PEAK1: variants seen among roughly 807,000 people sequenced by gnomAD.
PEAK1 encodes inactive tyrosine-protein kinase PEAK1.
PEAK1 carries 54 observed loss-of-function variants against 124.7 expected under a neutral mutation model. The observed-to-expected ratio is 0.43, with a 90% CI of 0.35 to 0.54. PEAK1 has a LOEUF of 0.54. Ranked by LOEUF, PEAK1 falls within the 20% of genes least tolerant of loss-of-function variation. The pLI is 0.01. For synonymous variants in PEAK1, 719 were observed against 760.0 expected (o/e 0.95, Z 0.89); for missense variants, 2,046 against 2,134.5 (o/e 0.96, Z 0.82).
intron 8 of PEAK1, among the ~76,000 whole-genome samples, chr15:77,151,393 G>A (rs900068205): frequency 5.6e-4 from 86 of 152,294 alleles, no homozygotes; most frequent in African/African-American, 1.8e-3. Flanking sequence ...TGAGTTCATT[G>A]TAGATTCTGG....
At chr15:77,117,931 T>G (rs2051542783) in intron 9 of PEAK1, among the ~76,000 whole-genome samples, 1 of 152,238 alleles carries the variant, frequency 6.6e-6, no homozygotes, top group Admixed American at 6.5e-5. Context: ...CAGAGCTTTG[T>G]GAGTAGACAA....
At chr15:77,330,752 C>G (rs573720178) in intron 2 of PEAK1, among the ~76,000 whole-genome samples, 1 of 152,314 alleles carries the variant, frequency 6.6e-6, no homozygotes, top group East Asian at 1.9e-4. Context: ...CATTCTCTCC[C>G]TTTCCCTCCC....
At chr15:77,366,655 G>C (rs772453975) in intron 1 of PEAK1, among the ~76,000 whole-genome samples, 1 of 151,988 alleles carries the variant, frequency 6.6e-6, no homozygotes, top group Non-Finnish European at 1.5e-5. Flanking sequence ...TCCCAGGCTC[G>C]AGTGATCCTT....
chr15:77,268,433 C>T (rs2061854163), intron 5 of PEAK1, among the ~76,000 whole-genome samples: 1 of 150,976 alleles, frequency 6.6e-6, no homozygotes, highest in Non-Finnish European at 1.5e-5. Context: ...GAGATCACAC[C>T]ACTGCATTTC....
chr15:77,321,822 T>C (rs1172619878), intron 2 of PEAK1, among the ~76,000 whole-genome samples: 1 of 152,202 alleles, frequency 6.6e-6, no homozygotes, highest in Non-Finnish European at 1.5e-5. Flanking sequence ...CCATCTCAAA[T>C]TAACTTTTGT....
Position 77,360,061 on chromosome 15 carries a change from A to G in PEAK1, c.-603+5102T>C, listed in dbSNP as rs556294011. Among the ~76,000 whole-genome samples, 41 of 152,350 alleles carry G rather than the reference A, an allele frequency of 2.7e-4. No homozygotes were observed. The East Asian group carries it at 6.7e-3, about 25-fold the overall frequency. Reference sequence around the variant, plus strand: ...GCAATCAGGACAATGTGGTACTGACATAAGGATAGACAAATCAATGGAACA... The same window carrying G: ...GCAATCAGGACAATGTGGTACTGACGTAAGGATAGACAAATCAATGGAACA... On this transcript the variant is annotated intron_variant, in intron 2 of 9. Transcript: ENST00000682557.
At chr15:77,163,347 G>C (rs944258547) in intron 7 of PEAK1, among the ~76,000 whole-genome samples, 5 of 152,182 alleles carry the variant, frequency 3.3e-5, no homozygotes, top group African/African-American at 1.2e-4. Flanking sequence ...AAAGGAAATA[G>C]TTACATTGTT....
intron 6 of PEAK1, among the ~76,000 whole-genome samples, chr15:77,242,622 G>T (rs1268003339): frequency 6.6e-6 from 1 of 152,038 alleles, no homozygotes; most frequent in African/African-American, 2.4e-5. Context: ...TCCACAAAAG[G>T]GGTCTATTCT....
At chr15:77,166,828 C>T (rs1417541702) in intron 7 of PEAK1, among the ~76,000 whole-genome samples, 2 of 151,502 alleles carry the variant, frequency 1.3e-5, no homozygotes, top group Non-Finnish European at 2.9e-5. Flanking sequence ...CAAGATGACA[C>T]TAATGTGACA....
At chr15:77,328,106 T>G (rs2153027927) in intron 2 of PEAK1, among the ~76,000 whole-genome samples, 1 of 152,270 alleles carries the variant, frequency 6.6e-6, no homozygotes, top group African/African-American at 2.4e-5. Context: ...CACTTTACAG[T>G]ATACCACATG....
chr15:77,170,247 C>T (rs1247464782), intron 7 of PEAK1, among the ~76,000 whole-genome samples: 2 of 151,714 alleles, frequency 1.3e-5, no homozygotes, highest in Admixed American at 6.6e-5. Context: ...ACTAGTCTAT[C>T]TACTTCTGTA....
intron 9 of PEAK1, among the ~76,000 whole-genome samples, chr15:77,129,959 C>T (rs1389741631): frequency 2.0e-5 from 3 of 152,172 alleles, no homozygotes; most frequent in Non-Finnish European, 2.9e-5. Flanking sequence ...ATCAATTGGG[C>T]ACTTCTGGCA....
At chr15:77,183,909 C>A (rs114160161) in intron 6 of PEAK1, among the ~76,000 whole-genome samples, 3,280 of 152,146 alleles carry the variant, frequency 0.022, 116 homozygotes, top group African/African-American at 0.074. Context: ...CTCACTGCAG[C>A]CTCAACCTCC....
chr15:77,170,092 C>A (rs1390336731), intron 7 of PEAK1, among the ~76,000 whole-genome samples: 6 of 151,986 alleles, frequency 3.9e-5, no homozygotes, highest in Non-Finnish European at 7.4e-5. Flanking sequence ...GTTTAAAGAA[C>A]CCCTTTTTCA....
chr15:77,308,371 G>A (rs930233528), intron 2 of PEAK1, among the ~76,000 whole-genome samples: 2 of 152,008 alleles, frequency 1.3e-5, no homozygotes, highest in African/African-American at 4.8e-5. Flanking sequence ...AAATATATAT[G>A]GCAATATTAT....
At chr15:77,173,317 T>A (rs921424081) in intron 7 of PEAK1, among the ~76,000 whole-genome samples, 9 of 152,164 alleles carry the variant, frequency 5.9e-5, no homozygotes, top group Non-Finnish European at 1.2e-4. Flanking sequence ...TAAAATTTAA[T>A]TTAAAAAATT....
Position 77,179,693 on chromosome 15 carries a change from A to G in PEAK1, c.2234T>C (p.Ile745Thr). Residue 745 changes from isoleucine (I) to threonine (T), a missense_variant, in exon 7 of 10, where the codon ATA (isoleucine) becomes ACA (threonine). Physicochemically the swap from Ile to Thr is moderately conservative, Grantham distance 89 (BLOSUM62 -1). Transcript: ENST00000682557. ...QRATQEPVAKIEGTQESQMVG... is the reference protein window; with the variant it reads ...QRATQEPVAKTEGTQESQMVG... ...CATCTGAGACTCCTGAGTGCCTTCT[A>G]TTTTGGCCACAGGCTCTTGAGTGGC... 2.5e-6 allele frequency: 4 copies of G among 1,613,672 alleles called. No homozygotes were observed. Among genetic ancestry groups the G allele is most frequent in the Non-Finnish European group, 2.5e-6 (3 of 1,179,912 alleles).
At chr15:77,166,600 C>A (rs2056117953) in intron 7 of PEAK1, among the ~76,000 whole-genome samples, 2 of 152,320 alleles carry the variant, frequency 1.3e-5, no homozygotes, top group Admixed American at 6.5e-5. Context: ...AGTCTCACAA[C>A]AACTTACTAG....
At chr15:77,150,595 T>C (rs1047678937) in intron 8 of PEAK1, among the ~76,000 whole-genome samples, 6 of 152,068 alleles carry the variant, frequency 3.9e-5, no homozygotes, top group South Asian at 2.1e-4. Flanking sequence ...ATGTGCCATG[T>C]TGGTGTGCTG....
Sources: allele counts gnomAD v4.1 joint callset (sites outside exome capture counted in the v4.1 genomes callset), GRCh38; gene constraint gnomAD v4.1.1; transcripts MANE v1.5; gene names NCBI Gene and HGNC (gene_info 2026-07-23, HGNC 2026-07-21).